The following TLR7 variants were observed in gnomAD, a reference collection of about 807,000 sequenced individuals.
TLR7 encodes the protein toll like receptor 7.
A neutral mutation model predicts 38.3 loss-of-function variants in TLR7; 12 were observed. The observed-to-expected ratio is 0.31, with a 90% confidence interval of 0.20 to 0.51. The LOEUF is 0.51. TLR7 is among the 20% of genes least tolerant of loss of function. The pLI is 0.98. For missense variants in TLR7, 504 were observed against 743.4 expected (o/e 0.68, Z 3.74); for synonymous variants, 285 against 293.8 (o/e 0.97, Z 0.31).
intron 2 of TLR7, among the ~76,000 whole-genome samples, chrX:12,874,188 C>T (rs1479255759): frequency 2.7e-5 from 3 of 110,446 alleles, no homozygotes; most frequent in South Asian, 3.9e-4. Context: ...GGAGTGGTGG[C>T]GGCTGTCTGT....
intron 2 of TLR7, among the ~76,000 whole-genome samples, chrX:12,878,021 C>T (rs1056547872): frequency 2.7e-5 from 3 of 111,768 alleles, no homozygotes; most frequent in African/African-American, 9.8e-5. Context: ...AAAAAGTTTC[C>T]GGACCTCAAA....
rs770782264 is a variant in TLR7, at chrX:12,872,344, G to A, written c.3+4763G>A. Among the ~76,000 whole-genome samples the A allele has an allele frequency of 1.3e-4, 14 of 111,691 alleles. No individual in the cohort carries two copies. In the East Asian group the frequency reaches 2.0e-3, roughly 16 times the overall value. ...GGGGTGGCAGTCAGGCGGTGACTGC[G>A]ACTGGAATCACCTGAAGACTCACTC... On this transcript the variant is annotated intron_variant, in intron 2 of 2. Transcript: ENST00000380659.
chrX:12,867,487 C>T lies in TLR7; in HGVS notation c.-92C>T. On this transcript the variant is annotated 5_prime_UTR_variant, in exon 2 of 3. Coordinates refer to ENST00000380659, the MANE Select transcript of TLR7 (RefSeq NM_016562.4). Reference sequence around the variant, plus strand: ...TGTCTTCTCTTTCTCTTAGTTGATGCTATTGGGCCCATCTCAAGCTGATCT... The same window carrying T: ...TGTCTTCTCTTTCTCTTAGTTGATGTTATTGGGCCCATCTCAAGCTGATCT... 1 of 783,669 alleles carries T rather than the reference C, an allele frequency of 1.3e-6. No individual in the cohort carries two copies. Among genetic ancestry groups the T allele is most frequent in the Non-Finnish European group, 1.9e-6 (1 of 515,336 alleles). 64.6% of individuals were successfully genotyped at this position (783,669 alleles called of 1,213,427 possible).
At chrX:12,869,560 G>T (rs1602432649) in intron 2 of TLR7, among the ~76,000 whole-genome samples, 1 of 110,446 alleles carries the variant, frequency 9.1e-6, no homozygotes, top group East Asian at 2.8e-4. Context: ...ACACAGGGAG[G>T]GGAACAACAC....
At chrX:12,871,996 A>G in intron 2 of TLR7, among the ~76,000 whole-genome samples, 1 of 111,954 alleles carries the variant, frequency 8.9e-6, no homozygotes, top group Non-Finnish European at 1.9e-5. Flanking sequence ...CCGATTCAAT[A>G]CAGAAAGGTG....
chrX:12,882,908 A>C (rs973923096), intron 2 of TLR7, among the ~76,000 whole-genome samples: 1 of 111,687 alleles, frequency 9.0e-6, no homozygotes, highest in Non-Finnish European at 1.9e-5. Flanking sequence ...GACCTGGTTC[A>C]TGATTGTCAT....
At chrX:12,871,888 T>A (rs985975439) in intron 2 of TLR7, among the ~76,000 whole-genome samples, 1 of 111,927 alleles carries the variant, frequency 8.9e-6, no homozygotes, top group Non-Finnish European at 1.9e-5. Flanking sequence ...CATCTCAAGA[T>A]AAATTTCCTT....
chrX:12,877,249 T>C (rs1348099546), intron 2 of TLR7, among the ~76,000 whole-genome samples: 1 of 111,555 alleles, frequency 9.0e-6, no homozygotes, highest in South Asian at 3.7e-4. Flanking sequence ...TTCACAAGTT[T>C]AACACAGCCT....
chrX:12,886,318 T>C lies in TLR7; in HGVS notation c.810T>C (p.Cys270=), dbSNP rs1466426638. The change falls in exon 3 of 3, where the codon TGT becomes TGC. Residue 270 remains cysteine, a synonymous_variant. Transcript: ENST00000380659. ...GTTGTTATAATGCCCCATTTCCTTGTGCGCCGTGTAAAAATAATTCTCCCC... is the reference window on the plus strand; with the variant it reads ...GTTGTTATAATGCCCCATTTCCTTGCGCGCCGTGTAAAAATAATTCTCCCC... ...CPRCYNAPFP[C]APCKNNSPLQ... 5.8e-6 allele frequency: 7 copies of C among 1,211,947 alleles called. No homozygotes were observed.
At chrX:12,884,345 A>T (rs1321552471) in intron 2 of TLR7, among the ~76,000 whole-genome samples, 1 of 111,924 alleles carries the variant, frequency 8.9e-6, no homozygotes, top group African/African-American at 3.3e-5. Context: ...GGAAGATAAA[A>T]GCATTAACTG....
Position 12,867,512 on chromosome X carries a change from T to C in TLR7, c.-67T>C. 1.8e-6 allele frequency: 2 copies of C among 1,099,459 alleles called. No homozygotes were observed. The highest frequency in any genetic ancestry group is 3.0e-5 in the East Asian group (1 of 33,199). The allele number at this position is 1,099,459 out of a possible 1,213,427, so 90.6% of individuals were successfully genotyped here. ...CTATTGGGCCCATCTCAAGCTGATC[T>C]TGGCACCTCTCATGCTCTGCTCTCT... is the stretch of plus-strand genomic sequence containing the variant. On this transcript the variant is annotated 5_prime_UTR_variant, in exon 2 of 3. Transcript: ENST00000380659.
chrX:12,867,465 C>G lies in TLR7; in HGVS notation c.-98-16C>G. ...GTCTTTGAAATGTAAACTTTGATGT[C>G]TTCTCTTTCTCTTAGTTGATGCTAT... On this transcript the variant is annotated splice_polypyrimidine_tract_variant and intron_variant, in intron 1 of 2. Transcript: ENST00000380659. 23 of 626,570 alleles carry G rather than the reference C, an allele frequency of 3.7e-5. No individual in the cohort carries two copies. Among genetic ancestry groups the G allele is most frequent in the Non-Finnish European group, 5.4e-5 (21 of 386,287 alleles). The allele number at this position is 626,570 out of a possible 1,213,427, so 51.6% of individuals were successfully genotyped here.
intron 2 of TLR7, among the ~76,000 whole-genome samples, chrX:12,883,646 G>A (rs1229645472): frequency 9.0e-6 from 1 of 111,607 alleles, no homozygotes; most frequent in Admixed American, 9.5e-5. Flanking sequence ...GAAACTGACT[G>A]ATTAAGGTTT....
At chrX:12,883,938 T>A (rs1424344862) in intron 2 of TLR7, among the ~76,000 whole-genome samples, 4 of 111,105 alleles carry the variant, frequency 3.6e-5, no homozygotes, top group East Asian at 2.8e-4. Context: ...AGAAAAAAAA[T>A]TGCTTATTTA....
rs201327328 is a variant in TLR7, at chrX:12,888,400, T to C, written c.2892T>C (p.Thr964=). ...TGATGACAGACAAGTATGCAAAGAC[T>C]GAAAATTTTAAGATAGCATTTTACT... The part of the protein sequence containing the change: ...VFVMTDKYAK[T]ENFKIAFYLS... The change falls in exon 3 of 3, where the codon ACT becomes ACC. Residue 964 remains threonine (T), a synonymous_variant. Transcript: ENST00000380659. 74 of 1,210,497 alleles carry C rather than the reference T, an allele frequency of 6.1e-5. No individual in the cohort carries two copies. Among genetic ancestry groups the C allele is most frequent in the Non-Finnish European group, 8.2e-5 (73 of 895,363 alleles).
At chrX:12,882,654 C>T (rs1312580638) in intron 2 of TLR7, among the ~76,000 whole-genome samples, 1 of 111,806 alleles carries the variant, frequency 8.9e-6, no homozygotes, top group African/African-American at 3.3e-5. Flanking sequence ...TCAGGCAAAG[C>T]TTCTTGTTAA....
chrX:12,867,635 C>A (rs758301366), intron 2 of TLR7, 54 bp downstream of exon 2: 2 of 1,121,257 alleles, frequency 1.8e-6, no homozygotes, highest in Non-Finnish European at 2.5e-6. Context: ...TTTGTGGAAA[C>A]AACTGAAACC....
intron 1 of TLR7, 86 bp downstream of exon 1, chrX:12,867,209 G>C (rs1172740472): frequency 7.0e-6 from 1 of 143,327 alleles, no homozygotes; most frequent in Non-Finnish European, 1.3e-5. Flanking sequence ...AGAGAAGAGG[G>C]AACCGAAATC....
At chrX:12,876,792 C>A (rs1421460601) in intron 2 of TLR7, among the ~76,000 whole-genome samples, 1 of 111,805 alleles carries the variant, frequency 8.9e-6, no homozygotes, top group Non-Finnish European at 1.9e-5. Flanking sequence ...AATTGAGCAT[C>A]CAAATTTACC....
Sources: allele counts gnomAD v4.1 joint callset (sites outside exome capture counted in the v4.1 genomes callset), GRCh38; gene constraint gnomAD v4.1.1; transcripts MANE v1.5; gene names NCBI Gene and HGNC (gene_info 2026-07-23, HGNC 2026-07-21).